Variants in FAM13A observed in about 807,000 individuals in gnomAD.
FAM13A encodes protein FAM13A.
FAM13A carries 76 observed loss-of-function variants against 129.6 expected under a neutral mutation model. The ratio of observed to expected loss-of-function variants is 0.59; its 90% confidence interval spans 0.49 to 0.71. The LOEUF is 0.71. FAM13A is among the 30% of genes least tolerant of loss of function. The pLI is 0.00. For synonymous variants in FAM13A, 443 were observed against 449.9 expected (o/e 0.98, Z 0.20); for missense variants, 1,108 against 1,249.3 (o/e 0.89, Z 1.70).
In FAM13A at chr4:89,013,326, G is replaced by GTATATATATA. The variant is rs146908296; in HGVS notation, c.427+7133_427+7134insTATATATATA. 2.4e-3 allele frequency among the ~76,000 whole-genome samples: 362 copies of GTATATATATA among 148,446 alleles called. 1 individual carries two copies. The highest frequency in any genetic ancestry group is 8.4e-3 in the African/African-American group (343 of 40,682). ...AAACACAGTATATACATATAACACA[G>GTATATATATA]TATATATACATATATATAAAATGTA... On this transcript the variant is annotated intron_variant, in intron 3 of 23. Transcript: ENST00000264344.
chr4:88,872,184 C>T (rs990427861), intron 6 of FAM13A, among the ~76,000 whole-genome samples: 2 of 152,148 alleles, frequency 1.3e-5, no homozygotes, highest in African/African-American at 2.4e-5. Flanking sequence ...CCAGCCACTG[C>T]AAAAATATGA....
Position 89,029,578 on chromosome 4 carries a change from CT to C in FAM13A, c.98del (p.Lys33ArgfsTer29), listed in dbSNP as rs779692901. 6.3e-7 allele frequency: 1 copy of C among 1,589,846 alleles called. No individual in the cohort carries two copies. Among genetic ancestry groups the C allele is most frequent in the Admixed American group, 1.9e-5 (1 of 52,666 alleles). On this transcript the variant is annotated frameshift_variant, in exon 2 of 24. Transcript: ENST00000264344. LOFTEE classifies it high-confidence loss of function. Reference sequence around the variant, plus strand: ...CAAATAACTTCTGATAGGTAAAATCCTTCTGTTCATTTAATGGCACTGCCAC... The same window carrying C: ...CAAATAACTTCTGATAGGTAAAATCCTCTGTTCATTTAATGGCACTGCCAC... The part of the protein sequence containing the change: ...KIVAVPLNEQ[K>X]DFTYQKLFGV...
intron 6 of FAM13A, among the ~76,000 whole-genome samples, chr4:88,898,613 T>A (rs1222135671): frequency 6.7e-6 from 1 of 149,912 alleles, no homozygotes; most frequent in Non-Finnish European, 1.5e-5. Flanking sequence ...AAAACTATAA[T>A]TTTTTTTAGT....
intron 6 of FAM13A, among the ~76,000 whole-genome samples, chr4:88,870,341 C>T (rs1201236636): frequency 1.1e-4 from 17 of 152,310 alleles, no homozygotes; most frequent in Admixed American, 7.8e-4. Flanking sequence ...TCGCCTCACC[C>T]GGGAAGTGCA....
At chr4:89,031,013 T>G (rs79446840) in intron 1 of FAM13A, among the ~76,000 whole-genome samples, 1,677 of 152,268 alleles carry the variant, frequency 0.011, 35 homozygotes, top group East Asian at 0.1. Context: ...AATACAGATT[T>G]AGTATCTATT....
At chr4:88,972,901 C>T (rs1760327782) in intron 4 of FAM13A, among the ~76,000 whole-genome samples, 1 of 152,190 alleles carries the variant, frequency 6.6e-6, no homozygotes, top group South Asian at 2.1e-4. Flanking sequence ...AGCCACCGTG[C>T]CTGGCCTCCT....
At chr4:89,027,695 C>G (rs913359955) in intron 2 of FAM13A, among the ~76,000 whole-genome samples, 1 of 151,986 alleles carries the variant, frequency 6.6e-6, no homozygotes, top group African/African-American at 2.4e-5. Context: ...ATTATTCTTG[C>G]GCTTTGGGGC....
intron 7 of FAM13A, among the ~76,000 whole-genome samples, chr4:88,809,480 T>C (rs1030748166): frequency 2.0e-5 from 3 of 152,076 alleles, no homozygotes; most frequent in Non-Finnish European, 2.9e-5. Flanking sequence ...GTCCCATTCA[T>C]TGAAGAAACT....
rs984394927 is a variant in FAM13A, at chr4:88,975,843, A to G, written c.605+15130T>C. ...AGTGAGATAAAGTATGGTACAGTAA[A>G]TAACATCTGTAGTATTATCTTGAGA... is the stretch of plus-strand genomic sequence containing the variant. On this transcript the variant is annotated intron_variant, in intron 4 of 23. Transcript: ENST00000264344. Among the ~76,000 whole-genome samples, 3 of 152,232 alleles carry G rather than the reference A, an allele frequency of 2.0e-5. No homozygotes were observed. In the South Asian group the frequency reaches 6.2e-4, roughly 31 times the overall value.
intron 3 of FAM13A, among the ~76,000 whole-genome samples, chr4:89,015,953 T>TATTTATATTTATATTTATATATTTATA (rs1766426928): frequency 3.3e-5 from 5 of 152,160 alleles, no homozygotes; most frequent in Admixed American, 2.6e-4. Context: ...CACAGACTCA[T>TATTTATATTTATATTTATATATTTATA]ACACATATAC....
chr4:88,810,947 TA>T (rs2149779214), intron 7 of FAM13A, among the ~76,000 whole-genome samples: 1 of 152,296 alleles, frequency 6.6e-6, no homozygotes, highest in African/African-American at 2.4e-5. Flanking sequence ...TTATGACCAC[TA>T]ATAGGTCATG....
chr4:88,749,979 A>G, intron 15 of FAM13A, 70 bp from the exon 16 acceptor site: 1 of 1,548,720 alleles, frequency 6.5e-7, no homozygotes, highest in South Asian at 1.2e-5. Context: ...GCCCTGGGGA[A>G]GTGGGACACC....
intron 6 of FAM13A, among the ~76,000 whole-genome samples, chr4:88,858,634 G>C (rs1738951599): frequency 6.6e-6 from 1 of 152,176 alleles, no homozygotes; most frequent in African/African-American, 2.4e-5. Flanking sequence ...AAAGGAGGCA[G>C]AAACAAAAGG....
At chr4:88,765,342 A>C (rs572370071) in intron 13 of FAM13A, among the ~76,000 whole-genome samples, 1 of 152,234 alleles carries the variant, frequency 6.6e-6, no homozygotes, top group Non-Finnish European at 1.5e-5. Flanking sequence ...AAAATTAGAA[A>C]TATTACAATA....
chr4:88,765,617 A>G (rs1033209156), intron 13 of FAM13A, among the ~76,000 whole-genome samples: 1 of 152,228 alleles, frequency 6.6e-6, no homozygotes, highest in Non-Finnish European at 1.5e-5. Context: ...GCTTTACAAA[A>G]TGGAAAACAG....
At chr4:89,054,628 A>C (rs967263301) in intron 1 of FAM13A, among the ~76,000 whole-genome samples, 1 of 152,166 alleles carries the variant, frequency 6.6e-6, no homozygotes, top group African/African-American at 2.4e-5. Flanking sequence ...CTGATTAAGG[A>C]AGCTTCTTTC....
intron 7 of FAM13A, among the ~76,000 whole-genome samples, chr4:88,843,298 C>G (rs1335110105): frequency 6.6e-6 from 1 of 152,212 alleles, no homozygotes; most frequent in Non-Finnish European, 1.5e-5. Flanking sequence ...CTCCCTCATT[C>G]ATATGGGTGC....
intron 5 of FAM13A, among the ~76,000 whole-genome samples, chr4:88,931,749 C>T (rs956015608): frequency 4.6e-5 from 7 of 152,162 alleles, no homozygotes; most frequent in East Asian, 1.9e-4. Context: ...TTATAACTCA[C>T]GATCAAAAGA....
At chr4:88,925,621 C>T (rs913923280) in intron 5 of FAM13A, among the ~76,000 whole-genome samples, 7 of 151,334 alleles carry the variant, frequency 4.6e-5, no homozygotes, top group Admixed American at 1.3e-4. Flanking sequence ...TGCAGCACAC[C>T]AGCATGGCAC....
Sources: allele counts gnomAD v4.1 joint callset (sites outside exome capture counted in the v4.1 genomes callset), GRCh38; gene constraint gnomAD v4.1.1; transcripts MANE v1.5; gene names NCBI Gene and HGNC (gene_info 2026-07-23, HGNC 2026-07-21).